The following SCMH1 variants were observed in gnomAD, a reference collection of about 807,000 sequenced individuals.
SCMH1 encodes the protein polycomb protein SCMH1.
Under a neutral mutation model 70.8 loss-of-function variants are expected in SCMH1, and 37 were observed. The observed-to-expected ratio is 0.52, with a 90% CI of 0.40 to 0.69. SCMH1 has a LOEUF of 0.69. SCMH1 is among the 30% of genes least tolerant of loss of function. The probability of loss-of-function intolerance (pLI) is 0.00; values close to 1 mark genes in which losing one functional copy is unlikely to be tolerated. For synonymous variants in SCMH1, 292 were observed against 307.4 expected, an observed-to-expected ratio of 0.95 and a Z score of 0.52; for missense variants, 607 against 827.3, an observed-to-expected ratio of 0.73 and a Z score of 3.27.
At chr1:41,217,957 A>G (rs1463999450) in intron 1 of SCMH1, among the ~76,000 whole-genome samples, 2 of 152,176 alleles carry the variant, frequency 1.3e-5, no homozygotes, top group African/African-American at 4.8e-5. Flanking sequence ...TCCTATGCCT[A>G]TCTTACCATT....
intron 14 of SCMH1, 83 bp from the exon 16 acceptor site, chr1:41,028,402 T>C: frequency 6.4e-7 from 1 of 1,567,788 alleles, no homozygotes; most frequent in South Asian, 1.2e-5. Context: ...GTTCTGATTA[T>C]AGGCCATCCT....
In SCMH1 at chr1:41,187,822, A is replaced by T. The variant is rs899069988; in HGVS notation, c.-117-1572T>A. Among the ~76,000 whole-genome samples, 43 of 151,676 alleles carry T rather than the reference A, an allele frequency of 2.8e-4. 2 individuals carry two copies. The highest frequency in any genetic ancestry group is 1.0e-3 in the African/African-American group (43 of 41,356). On this transcript the variant is annotated intron_variant, in intron 1 of 14. Coordinates refer to ENST00000337495, the Ensembl canonical transcript of SCMH1. ...TGAAACCCCATCTCTACAAAAAAAAAAAAAATATAAAAATTAGCCAGGTGT... is the reference window on the plus strand; with the variant it reads ...TGAAACCCCATCTCTACAAAAAAAATAAAAATATAAAAATTAGCCAGGTGT...
intron 4 of SCMH1, among the ~76,000 whole-genome samples, chr1:41,160,617 C>T (rs755012443): frequency 6.6e-6 from 1 of 152,148 alleles, no homozygotes; most frequent in Admixed American, 6.6e-5. Flanking sequence ...AGTTCCTGTT[C>T]TCCCCTATAC....
In SCMH1 at chr1:41,043,194, A is replaced by G. The variant is rs1571370343; in HGVS notation, c.1498+3213T>C. ...CTGCAACCTCTGCCTCCTGGGTTCA[A>G]GCAATTCTCCTGCCTCAGCCTCCCG... On this transcript the variant is annotated intron_variant, in intron 12 of 14. Coordinates refer to ENST00000337495, the Ensembl canonical transcript of SCMH1. 1 of 150,318 alleles carries G rather than the reference A, an allele frequency of 6.7e-6. No individual in the cohort carries two copies. Among genetic ancestry groups the G allele is most frequent in the African/African-American group, 2.5e-5 (1 of 40,740 alleles). 9.3% of individuals were successfully genotyped at this position (150,318 alleles called of 1,614,324 possible).
At position 41,076,882 on chromosome 1, in the gene SCMH1, T is replaced by C. The variant is rs376610948; in HGVS notation, c.746-1431A>G. Among the ~76,000 whole-genome samples, 4 of 152,224 alleles carry C rather than the reference T, an allele frequency of 2.6e-5. No individual in the cohort carries two copies. The South Asian group carries it at 8.3e-4, about 32-fold the overall frequency. On this transcript the variant is annotated intron_variant, in intron 8 of 14. Coordinates refer to ENST00000337495, the Ensembl canonical transcript of SCMH1. ...GCAGCCTGTGAAAATGAACTGAACT[T>C]ATTCTAAATATAAAGGGAAGCCACT...
chr1:41,056,705 C>A (rs12729586), intron 10 of SCMH1, among the ~76,000 whole-genome samples: 16,517 of 152,210 alleles, frequency 0.11, 1,273 homozygotes, highest in East Asian at 0.28. Flanking sequence ...AGTGCTAGGG[C>A]AGGAAAACCT....
intron 12 of SCMH1, chr1:41,043,083 A>G (rs1401394267): frequency 2.0e-5 from 3 of 152,116 alleles, no homozygotes; most frequent in African/African-American, 7.2e-5. Context: ...AGCTAATAGT[A>G]TATTAATTAA....
chr1:41,047,836 T>A (rs981514505), intron 11 of SCMH1, among the ~76,000 whole-genome samples: 14 of 152,236 alleles, frequency 9.2e-5, no homozygotes, highest in African/African-American at 3.4e-4. Flanking sequence ...TAGCTATGTA[T>A]ATTCTTTCTT....
intron 5 of SCMH1, among the ~76,000 whole-genome samples, chr1:41,146,074 C>G (rs190203609): frequency 6.6e-6 from 1 of 152,122 alleles, no homozygotes; most frequent in East Asian, 1.9e-4. Context: ...TAGGAGATTA[C>G]AGCTCCATCC....
At chr1:41,062,918 C>CAAA (rs61144004) in intron 10 of SCMH1, among the ~76,000 whole-genome samples, 18 of 109,816 alleles carry the variant, frequency 1.6e-4, no homozygotes, top group African/African-American at 4.3e-4. Flanking sequence ...GACTCCATCT[C>CAAA]AAAAAAAAAA....
At chr1:41,184,608 T>C (rs1432580315) in intron 2 of SCMH1, among the ~76,000 whole-genome samples, 4 of 152,132 alleles carry the variant, frequency 2.6e-5, no homozygotes, top group South Asian at 2.1e-4. Flanking sequence ...ATGTAGTCTT[T>C]TGATTGGAGG....
intron 8 of SCMH1, among the ~76,000 whole-genome samples, chr1:41,101,112 G>C (rs921827103): frequency 2.0e-5 from 3 of 151,988 alleles, no homozygotes; most frequent in Non-Finnish European, 4.4e-5. Context: ...AAAAGACCTA[G>C]GGAAACAAGA....
chr1:41,061,041 G>A (rs1368912776), intron 10 of SCMH1, among the ~76,000 whole-genome samples: 1 of 149,858 alleles, frequency 6.7e-6, no homozygotes, highest in African/African-American at 2.5e-5. Flanking sequence ...TTGTAATAGT[G>A]AGAAAATATG....
chr1:41,087,631 G>A (rs1485921463), intron 8 of SCMH1, among the ~76,000 whole-genome samples: 1 of 152,076 alleles, frequency 6.6e-6, no homozygotes, highest in African/African-American at 2.4e-5. Context: ...TCACCCATCA[G>A]ATTGGCAAAA....
Position 41,028,718 on chromosome 1 carries a change from G to A in SCMH1, c.1687C>T (p.Arg563Ter), listed in dbSNP as rs990926700. Residue 563 changes from arginine (R) to a stop codon, truncating the protein, a stop_gained, in exon 14 of 15, where the codon CGA becomes TGA. Coordinates refer to ENST00000337495, the Ensembl canonical transcript of SCMH1. LOFTEE classifies it high-confidence loss of function. Reference sequence around the variant, plus strand: ...GAGGCATCGCGGCTCTCCAGGTATCGGTCCGACCCTGCAGGACAGGAGGGC... The same window carrying A: ...GAGGCATCGCGGCTCTCCAGGTATCAGTCCGACCCTGCAGGACAGGAGGGC... 3 of 1,613,878 alleles carry A rather than the reference G, an allele frequency of 1.9e-6. No individual in the cohort carries two copies. The highest frequency in any genetic ancestry group is 1.6e-4 in the Middle Eastern group (1 of 6,078).
intron 11 of SCMH1, among the ~76,000 whole-genome samples, chr1:41,047,392 C>CTTTT (rs397861246): frequency 1.4e-4 from 16 of 112,430 alleles, no homozygotes; most frequent in African/African-American, 2.0e-4. Context: ...ACTTCCCAGT[C>CTTTT]TTTTTTTTTT....
chr1:41,076,943 T>C (rs1324078704), intron 8 of SCMH1, among the ~76,000 whole-genome samples: 1 of 152,076 alleles, frequency 6.6e-6, no homozygotes, highest in African/African-American at 2.4e-5. Context: ...AAGATATACT[T>C]AGAAGGACCA....
At chr1:41,192,495 GACACACACACACACAC>G (rs55940657) in intron 1 of SCMH1, among the ~76,000 whole-genome samples, 1 of 148,646 alleles carries the variant, frequency 6.7e-6, no homozygotes, top group African/African-American at 2.5e-5. Context: ...TTAAATAGGA[GACACACACACACACAC>G]ACACACACAC....
chr1:41,154,522 T>C (rs1375622921), intron 4 of SCMH1, among the ~76,000 whole-genome samples: 1 of 152,222 alleles, frequency 6.6e-6, no homozygotes, highest in East Asian at 1.9e-4. Context: ...AAGAACTGTG[T>C]TAAATGTTAG....
Sources: allele counts gnomAD v4.1 joint callset (sites outside exome capture counted in the v4.1 genomes callset), GRCh38; gene constraint gnomAD v4.1.1; transcripts MANE v1.5; gene names NCBI Gene and HGNC (gene_info 2026-07-23, HGNC 2026-07-21).